The following RASSF9 variants were observed in gnomAD, a reference collection of about 807,000 sequenced individuals.
The protein encoded by RASSF9 is ras association domain-containing protein 9.
In RASSF9, 18 loss-of-function variants were observed where a neutral mutation model predicts 21.4. The ratio of observed to expected loss-of-function variants is 0.84; its 90% CI spans 0.58 to 1.25. RASSF9 has a LOEUF of 1.25. RASSF9 is among the 50% of genes most tolerant of loss of function. The pLI is 0.00. For missense variants in RASSF9, 480 were observed against 503.2 expected, an observed-to-expected ratio of 0.95 and a Z score of 0.44; for synonymous variants, 183 against 179.1, an observed-to-expected ratio of 1.02 and a Z score of -0.18.
chr12:85,809,472 A>G (rs1262076592), intron 1 of RASSF9, among the ~76,000 whole-genome samples: 1 of 151,998 alleles, frequency 6.6e-6, no homozygotes, highest in Non-Finnish European at 1.5e-5. Context: ...TGATGCAGTA[A>G]TAAAATATTT....
chr12:85,811,846 A>G (rs937280755), intron 1 of RASSF9, among the ~76,000 whole-genome samples: 1 of 151,818 alleles, frequency 6.6e-6, no homozygotes, highest in Non-Finnish European at 1.5e-5. Context: ...ACAAATAAAA[A>G]TTCAGAGTAC....
At chr12:85,818,092 T>G (rs1167449504) in intron 1 of RASSF9, among the ~76,000 whole-genome samples, 1 of 152,194 alleles carries the variant, frequency 6.6e-6, no homozygotes. Context: ...GCATGGTAGC[T>G]GAGGCACAGC....
In RASSF9 at chr12:85,803,368, A is replaced by C. The variant is rs1879744254; in HGVS notation, c.*1334T>G. 6.6e-6 allele frequency: 1 copy of C among 152,166 alleles called. No homozygotes were observed. The highest frequency in any genetic ancestry group is 6.5e-5 in the Admixed American group (1 of 15,270). The allele number at this position is 152,166 out of a possible 1,614,324, so 9.4% of individuals were successfully genotyped here. A position where few individuals can be genotyped will look rare whatever the true frequency, so the allele number is the denominator to read the frequency against. On this transcript the variant is annotated 3_prime_UTR_variant, in exon 2 of 2. Transcript: ENST00000361228. ...GTGACACACAGGAAAGATATCAGCT[A>C]AATAAAAATAAACTGCAGCAGTACT... is the stretch of plus-strand genomic sequence containing the variant.
In RASSF9 at chr12:85,805,835, C is replaced by A; in HGVS notation, c.175G>T (p.Glu59Ter). The A allele has an allele frequency of 6.2e-7, 1 of 1,613,968 alleles. No individual in the cohort carries two copies. The highest frequency in any genetic ancestry group is 8.5e-7 in the Non-Finnish European group (1 of 1,179,898). The change falls in exon 2 of 2, where the codon GAA (glutamate) becomes TAA (stop). Residue 59 changes from glutamate (E) to a stop codon, truncating the protein, a stop_gained. Coordinates refer to ENST00000361228, the MANE Select transcript of RASSF9 (RefSeq NM_005447.4). LOFTEE classifies it high-confidence loss of function. ...TTCTCTCCAAACGTAGCCTCATGTT[C>A]CTCAAGCAAAGCCTGGATGACATCA... is the stretch of plus-strand genomic sequence containing the variant. ...SADVIQALLE[E>*]HEATFGEKRF...
intron 1 of RASSF9, among the ~76,000 whole-genome samples, chr12:85,818,831 C>T (rs1454488178): frequency 2.0e-5 from 3 of 151,760 alleles, no homozygotes; most frequent in Non-Finnish European, 4.4e-5. Context: ...TGGTGGCGGG[C>T]GCCTGTAGTC....
rs200018440 is a variant in RASSF9, at chr12:85,805,515, G to A, written c.495C>T (p.Phe165=). The A allele has an allele frequency of 3.3e-5, 53 of 1,613,900 alleles. No homozygotes were observed. The highest frequency in any genetic ancestry group is 3.7e-5 in the Non-Finnish European group (44 of 1,179,886). Residue 165 remains phenylalanine, a synonymous_variant, in exon 2 of 2, where the codon TTC becomes TTT. Coordinates refer to ENST00000361228, the MANE Select transcript of RASSF9 (RefSeq NM_005447.4). The stretch of plus-strand genomic sequence containing the variant: ...CCTGCTTAATTTTAGCCAGTTTCCG[G>A]AAAGTTTTCCTGACTATTCTTTTTT... The part of the protein sequence containing the change: ...DKQKRIVRKT[F]RKLAKIKQDT...
At chr12:85,834,004 A>C (rs2136565791) in intron 1 of RASSF9, among the ~76,000 whole-genome samples, 1 of 152,170 alleles carries the variant, frequency 6.6e-6, no homozygotes, top group South Asian at 2.1e-4. Context: ...TCTTGCAAAT[A>C]ATTTTCACCT....
intron 1 of RASSF9, among the ~76,000 whole-genome samples, chr12:85,824,207 A>C (rs2136560569): frequency 6.6e-6 from 1 of 152,290 alleles, no homozygotes; most frequent in East Asian, 1.9e-4. Flanking sequence ...TAAAATATCA[A>C]ACTATTCCAT....
chr12:85,822,537 C>T (rs1880233512), intron 1 of RASSF9, among the ~76,000 whole-genome samples: 1 of 152,038 alleles, frequency 6.6e-6, no homozygotes, highest in South Asian at 2.1e-4. Flanking sequence ...TCAGGGCCTG[C>T]CACTCTATTT....
Position 85,800,957 on chromosome 12 carries a change from G to A in RASSF9, c.*3745C>T, listed in dbSNP as rs999250886. On this transcript the variant is annotated 3_prime_UTR_variant, in exon 2 of 2. Transcript: ENST00000361228. ...GAAATATATTTTGTCATGTACAGTA[G>A]ATATTTAAATAAATATAAAAATAAA... is the stretch of plus-strand genomic sequence containing the variant. 11 of 151,726 alleles carry A rather than the reference G, an allele frequency of 7.2e-5. No homozygotes were observed. The highest frequency in any genetic ancestry group is 2.7e-4 in the African/African-American group (11 of 41,382). 9.4% of individuals were successfully genotyped at this position (151,726 alleles called of 1,614,324 possible). A position where few individuals can be genotyped will look rare whatever the true frequency, so the allele number is the denominator to read the frequency against.
intron 1 of RASSF9, among the ~76,000 whole-genome samples, chr12:85,823,755 C>T (rs35199040): frequency 0.24 from 36,900 of 152,108 alleles, 5,590 homozygotes; most frequent in South Asian, 0.36. Flanking sequence ...AGAAAAGAGG[C>T]AAACCATCGA....
In RASSF9 at chr12:85,801,811, TC is replaced by T. The variant is rs1370465381; in HGVS notation, c.*2890del. On this transcript the variant is annotated 3_prime_UTR_variant, in exon 2 of 2. Transcript: ENST00000361228. ...GCCTGGGCGACAGAGTGAGACTCCG[TC>T]TCAAGGAAAAAAAAAATAGAATTCA... 2.5e-4 allele frequency: 37 copies of T among 146,524 alleles called. No individual in the cohort carries two copies. The highest frequency in any genetic ancestry group is 9.2e-4 in the African/African-American group (36 of 39,254). 9.1% of individuals were successfully genotyped at this position (146,524 alleles called of 1,614,324 possible).
In RASSF9 at chr12:85,805,619, C is replaced by G. The variant is rs1342801997; in HGVS notation, c.391G>C (p.Ala131Pro). Residue 131 changes from alanine (A) to proline (P), a missense_variant, in exon 2 of 2, where the codon GCC becomes CCC. Physicochemically the swap from Ala to Pro is conservative, Grantham distance 27 (BLOSUM62 -1). Coordinates refer to ENST00000361228, the MANE Select transcript of RASSF9 (RefSeq NM_005447.4). ...LPVPLWRTAE[A>P]KLVQNTEKLW... ...TTTTCTGTGTTTTGCACTAATTTGG[C>G]TTCAGCTGTCCGCCACAAAGGAACT... 3 of 1,613,850 alleles carry G rather than the reference C, an allele frequency of 1.9e-6. No homozygotes were observed. Among genetic ancestry groups the G allele is most frequent in the Non-Finnish European group, 2.5e-6 (3 of 1,179,900 alleles).
At chr12:85,818,591 T>A (rs916690568) in intron 1 of RASSF9, among the ~76,000 whole-genome samples, 1 of 152,212 alleles carries the variant, frequency 6.6e-6, no homozygotes, top group Non-Finnish European at 1.5e-5. Flanking sequence ...CAATGCAATA[T>A]TCAATAATTG....
chr12:85,819,138 G>T (rs982595124), intron 1 of RASSF9, among the ~76,000 whole-genome samples: 2 of 151,932 alleles, frequency 1.3e-5, no homozygotes, highest in Non-Finnish European at 2.9e-5. Flanking sequence ...TGAGTAACTT[G>T]GAAGGAATCA....
At chr12:85,820,397 T>G (rs996942945) in intron 1 of RASSF9, among the ~76,000 whole-genome samples, 10 of 152,190 alleles carry the variant, frequency 6.6e-5, no homozygotes, top group Non-Finnish European at 1.5e-5. Flanking sequence ...TTCTTCACTT[T>G]AGGAATTCTG....
At chr12:85,822,855 CG>C (rs1592531949) in intron 1 of RASSF9, among the ~76,000 whole-genome samples, 2 of 152,230 alleles carry the variant, frequency 1.3e-5, no homozygotes, top group East Asian at 3.9e-4. Context: ...AGCAATCCAT[CG>C]TTATTCTCTC....
intron 1 of RASSF9, among the ~76,000 whole-genome samples, chr12:85,807,105 TTAG>T (rs753963034): frequency 7.2e-5 from 11 of 152,124 alleles, no homozygotes; most frequent in Non-Finnish European, 1.3e-4. Flanking sequence ...CTTAAAGTGC[TTAG>T]GACAGTCTTC....
chr12:85,808,871 T>C (rs1283777597), intron 1 of RASSF9, among the ~76,000 whole-genome samples: 1 of 152,086 alleles, frequency 6.6e-6, no homozygotes, highest in Non-Finnish European at 1.5e-5. Context: ...TGCTAATAGT[T>C]ATTATGTTAA....
Sources: allele counts gnomAD v4.1 joint callset (sites outside exome capture counted in the v4.1 genomes callset), GRCh38; gene constraint gnomAD v4.1.1; transcripts MANE v1.5; gene names NCBI Gene and HGNC (gene_info 2026-07-23, HGNC 2026-07-21).